The following SMYD3 variants were observed in gnomAD, a reference collection of about 807,000 sequenced individuals.
The protein encoded by SMYD3 is SET and MYND domain containing 3.
Under a neutral mutation model 57.7 loss-of-function variants are expected in SMYD3, and 36 were observed. The ratio of observed to expected loss-of-function variants is 0.62; its 90% CI spans 0.48 to 0.82. SMYD3 has a LOEUF of 0.82. Ranked by LOEUF, SMYD3 falls within the 40% of genes least tolerant of loss-of-function variation. The pLI, the probability that SMYD3 is intolerant of heterozygous loss-of-function variation, is 0.00. For missense variants in SMYD3, 515 were observed against 538.8 expected (o/e 0.96, Z 0.44); for synonymous variants, 211 against 195.0 (o/e 1.08, Z -0.68).
intron 8 of SMYD3, among the ~76,000 whole-genome samples, chr1:245,888,727 T>G (rs753561382): frequency 2.6e-5 from 4 of 152,376 alleles, no homozygotes; most frequent in Non-Finnish European, 4.4e-5. Context: ...GTCTACCTTT[T>G]AAGCTCTGAA....
At chr1:246,127,882 C>T (rs2061531605) in intron 5 of SMYD3, among the ~76,000 whole-genome samples, 1 of 146,162 alleles carries the variant, frequency 6.8e-6, no homozygotes, top group African/African-American at 2.6e-5. Flanking sequence ...GGAGACAGAG[C>T]AAGACTCTGT....
intron 10 of SMYD3, among the ~76,000 whole-genome samples, chr1:245,806,719 G>A (rs1372328180): frequency 6.6e-6 from 1 of 151,556 alleles, no homozygotes; most frequent in African/African-American, 2.4e-5. Flanking sequence ...GACCATCCTG[G>A]CTAACAAGGT....
chr1:246,035,401 G>C (rs1255405825), intron 5 of SMYD3: 1 of 152,178 alleles, frequency 6.6e-6, no homozygotes, highest in Non-Finnish European at 1.5e-5. Context: ...AAACCGAAAG[G>C]AAGGAGGGTC....
chr1:245,985,061 C>T (rs988188095), intron 5 of SMYD3, among the ~76,000 whole-genome samples: 8 of 152,106 alleles, frequency 5.3e-5, no homozygotes, highest in African/African-American at 1.9e-4. Flanking sequence ...CCTGACCACA[C>T]AGCATTCCCT....
chr1:246,413,467 A>G (rs2067008822), intron 1 of SMYD3, among the ~76,000 whole-genome samples: 1 of 152,202 alleles, frequency 6.6e-6, no homozygotes, highest in Admixed American at 6.5e-5. Context: ...AACAATAGCT[A>G]TGTTCATGAG....
intron 10 of SMYD3, among the ~76,000 whole-genome samples, chr1:245,773,090 TAAAA>T (rs34679948): frequency 1.0e-4 from 9 of 86,250 alleles, no homozygotes; most frequent in Non-Finnish European, 1.3e-4. Flanking sequence ...GGAGAATCAC[TAAAA>T]AAAAAAAAAA....
At chr1:246,015,933 G>A (rs1242049706) in intron 5 of SMYD3, among the ~76,000 whole-genome samples, 2 of 152,154 alleles carry the variant, frequency 1.3e-5, no homozygotes, top group Non-Finnish European at 2.9e-5. Context: ...AGAACTGCTG[G>A]ATCATATAAT....
At chr1:246,205,950 A>G (rs969222226) in intron 5 of SMYD3, among the ~76,000 whole-genome samples, 1 of 152,180 alleles carries the variant, frequency 6.6e-6, no homozygotes, top group African/African-American at 2.4e-5. Flanking sequence ...TAAAGCCTAT[A>G]AAAGGGTGAA....
chr1:245,756,586 G>C (rs991363687), intron 11 of SMYD3, among the ~76,000 whole-genome samples: 1 of 151,868 alleles, frequency 6.6e-6, no homozygotes. Flanking sequence ...AAAATGTCTT[G>C]ATTTCTTCTT....
chr1:246,083,762 G>A (rs2060681828), intron 5 of SMYD3, among the ~76,000 whole-genome samples: 1 of 151,996 alleles, frequency 6.6e-6, no homozygotes, highest in African/African-American at 2.4e-5. Flanking sequence ...AAAACTATGA[G>A]CCCTTTCCCT....
chr1:246,282,604 T>C (rs1032097473), intron 5 of SMYD3, among the ~76,000 whole-genome samples: 4 of 152,070 alleles, frequency 2.6e-5, no homozygotes, highest in Admixed American at 2.6e-4. Context: ...TCATTATTTT[T>C]CCACATCTCT....
intron 5 of SMYD3, among the ~76,000 whole-genome samples, chr1:246,260,523 T>C (rs2063986880): frequency 1.3e-5 from 2 of 152,108 alleles, no homozygotes; most frequent in African/African-American, 2.4e-5. Context: ...CGACCTTGGC[T>C]CACTGCAACC....
chr1:245,920,273 A>C (rs535680208), intron 7 of SMYD3, among the ~76,000 whole-genome samples: 16 of 145,758 alleles, frequency 1.1e-4, no homozygotes, highest in East Asian at 2.2e-4. Flanking sequence ...AGATCATGCC[A>C]CTGCACTCCA....
At chr1:246,255,787 TTC>T (rs202165332) in intron 5 of SMYD3, among the ~76,000 whole-genome samples, 29,045 of 144,954 alleles carry the variant, frequency 0.2, 3,501 homozygotes, top group East Asian at 0.59. Flanking sequence ...TTTTTTTTTT[TTC>T]TAGTTGGTAG....
intron 5 of SMYD3, among the ~76,000 whole-genome samples, chr1:246,261,029 T>C (rs2063998098): frequency 6.7e-6 from 1 of 148,512 alleles, no homozygotes; most frequent in Non-Finnish European, 1.5e-5. Flanking sequence ...CTGGAAGTCA[T>C]CTCTTTCTGG....
At chr1:246,402,125 A>G (rs1281162561) in intron 1 of SMYD3, among the ~76,000 whole-genome samples, 1 of 152,188 alleles carries the variant, frequency 6.6e-6, no homozygotes, top group Admixed American at 6.5e-5. Context: ...TTTTTCCAAT[A>G]TAATGGCAAA....
At chr1:246,454,974 CTACAA>C (rs2067681112) in intron 1 of SMYD3, among the ~76,000 whole-genome samples, 1 of 152,160 alleles carries the variant, frequency 6.6e-6, no homozygotes, top group African/African-American at 2.4e-5. Flanking sequence ...ATAACCCACT[CTACAA>C]TACAACAAAT....
At chr1:246,125,258 C>T (rs1279472540) in intron 5 of SMYD3, among the ~76,000 whole-genome samples, 1 of 152,198 alleles carries the variant, frequency 6.6e-6, no homozygotes, top group Non-Finnish European at 1.5e-5. Context: ...ATACCCTTCA[C>T]AAACCCCTGC....
At chr1:246,237,871 A>AT (rs59885018) in intron 5 of SMYD3, among the ~76,000 whole-genome samples, 3,602 of 152,200 alleles carry the variant, frequency 0.024, 144 homozygotes, top group African/African-American at 0.082. Context: ...ATTAGAAAAA[A>AT]ATATAATTTA....
Sources: gnomAD v4.1 joint callset for allele counts (sites outside exome capture counted in the v4.1 genomes callset) on GRCh38, gnomAD v4.1.1 for gene constraint, MANE v1.5 for transcripts, NCBI Gene and HGNC (gene_info 2026-07-23, HGNC 2026-07-21) for gene names.